PRDM5: variants seen among roughly 807,000 people sequenced by gnomAD.
PRDM5 encodes the protein PR/SET domain 5, also known as PR domain zinc finger protein 5.
PRDM5 carries 56 observed loss-of-function variants against 81.2 expected under a neutral mutation model. The ratio of observed to expected loss-of-function variants is 0.69; its 90% CI spans 0.56 to 0.86. PRDM5 has a LOEUF of 0.86. Ranked by LOEUF, PRDM5 falls within the 40% of genes least tolerant of loss-of-function variation. The pLI is 0.00. For synonymous variants in PRDM5, 267 were observed against 256.4 expected, an observed-to-expected ratio of 1.04 and a Z score of -0.39; for missense variants, 697 against 770.1, an observed-to-expected ratio of 0.91 and a Z score of 1.12.
intron 13 of PRDM5, among the ~76,000 whole-genome samples, chr4:120,764,337 T>C (rs1374373079): frequency 6.6e-6 from 1 of 152,200 alleles, no homozygotes; most frequent in African/African-American, 2.4e-5. Flanking sequence ...TTATTGTTCA[T>C]AGCATTATAT....
At chr4:120,687,099 A>G (rs36052384), downstream of PRDM5, among the ~76,000 whole-genome samples, 26,168 of 151,980 alleles carry the variant, frequency 0.17, 2,586 homozygotes, top group Non-Finnish European at 0.24. Flanking sequence ...TTTTAATTTA[A>G]ACGTACTTAT....
At chr4:120,705,801 G>A (rs577625121) in intron 15 of PRDM5, among the ~76,000 whole-genome samples, 1 of 152,326 alleles carries the variant, frequency 6.6e-6, no homozygotes, top group African/African-American at 2.4e-5. Flanking sequence ...GACAGAAGGA[G>A]AGAGAGCAGT....
chr4:120,851,675 A>G (rs1287938923), intron 3 of PRDM5, among the ~76,000 whole-genome samples: 1 of 152,146 alleles, frequency 6.6e-6, no homozygotes, highest in Non-Finnish European at 1.5e-5. Context: ...ACTGAAAAAA[A>G]TTGTTTAGAT....
chr4:120,781,956 A>G (rs901052267), intron 11 of PRDM5, among the ~76,000 whole-genome samples: 3 of 152,192 alleles, frequency 2.0e-5, no homozygotes, highest in African/African-American at 7.2e-5. Context: ...TAGCAAGACT[A>G]TTAGCCACCC....
intron 3 of PRDM5, among the ~76,000 whole-genome samples, chr4:120,825,426 T>G (rs1755832044): frequency 6.6e-6 from 1 of 152,180 alleles, no homozygotes. Context: ...TTGGTCAAAA[T>G]GCTCTCAGCC....
intron 7 of PRDM5, among the ~76,000 whole-genome samples, chr4:120,811,716 A>C (rs1753861782): frequency 2.0e-5 from 3 of 152,088 alleles, no homozygotes; most frequent in Non-Finnish European, 4.4e-5. Context: ...GAGAATGCAG[A>C]AGCTTATATA....
intron 12 of PRDM5, among the ~76,000 whole-genome samples, chr4:120,777,559 A>C (rs1748361553): frequency 6.6e-6 from 1 of 152,156 alleles, no homozygotes; most frequent in African/African-American, 2.4e-5. Context: ...TAAATTATAC[A>C]AACCAGTATA....
chr4:120,901,766 G>A (rs1178009516), intron 2 of PRDM5, among the ~76,000 whole-genome samples: 1 of 152,200 alleles, frequency 6.6e-6, no homozygotes, highest in Non-Finnish European at 1.5e-5. Flanking sequence ...ATTTTAGTTT[G>A]TATCTGGTTC....
chr4:120,794,514 AACACACACACACACACAC>A (rs70948364), intron 10 of PRDM5, among the ~76,000 whole-genome samples: 27 of 143,690 alleles, frequency 1.9e-4, no homozygotes, highest in East Asian at 1.0e-3. Context: ...TCCAAAATCT[AACACACACACACACACAC>A]ACACACACAC....
chr4:120,710,142 T>C (rs972928753), intron 15 of PRDM5, among the ~76,000 whole-genome samples, 167 bp downstream of exon 15: 2 of 152,040 alleles, frequency 1.3e-5, no homozygotes, highest in African/African-American at 4.8e-5. Context: ...GTTACATGTA[T>C]TATGCAAGAA....
At chr4:120,794,682 A>C (rs1042911431) in intron 10 of PRDM5, among the ~76,000 whole-genome samples, 8 of 150,696 alleles carry the variant, frequency 5.3e-5, no homozygotes, top group African/African-American at 2.0e-4. Context: ...GGAGTGCAGT[A>C]GCACAATCTT....
At chr4:120,917,410 T>A (rs946943553) in intron 1 of PRDM5, among the ~76,000 whole-genome samples, 1 of 152,104 alleles carries the variant, frequency 6.6e-6, no homozygotes, top group African/African-American at 2.4e-5. Context: ...AAGTCAACCA[T>A]ACCTAGCTCT....
At chr4:120,761,089 G>A (rs904471940) in intron 13 of PRDM5, among the ~76,000 whole-genome samples, 2 of 152,126 alleles carry the variant, frequency 1.3e-5, no homozygotes, top group East Asian at 3.8e-4. Flanking sequence ...CTGAATTGGA[G>A]GTACTTTAAC....
chr4:120,736,508 T>G (rs1309611781), intron 14 of PRDM5, among the ~76,000 whole-genome samples: 2 of 152,088 alleles, frequency 1.3e-5, no homozygotes, highest in Admixed American at 6.6e-5. Flanking sequence ...TCACTGACCT[T>G]CAAAAGCTCC....
chr4:120,722,972 T>C (rs1244459176), intron 14 of PRDM5, among the ~76,000 whole-genome samples: 1 of 152,238 alleles, frequency 6.6e-6, no homozygotes, highest in Non-Finnish European at 1.5e-5. Context: ...TCTGAAATTC[T>C]TGTCATGTGA....
In PRDM5 at chr4:120,716,339, G is replaced by A. The variant is rs147018358; in HGVS notation, c.1624-5926C>T. Among the ~76,000 whole-genome samples the A allele has an allele frequency of 3.9e-5, 6 of 152,244 alleles. No individual in the cohort carries two copies. The East Asian group carries it at 1.2e-3, about 29-fold the overall frequency. On this transcript the variant is annotated intron_variant, in intron 14 of 15. Transcript: ENST00000264808. Reference sequence around the variant, plus strand: ...GGATAAAATGTGTAGTGTTAGAAAGGTTCTTCCAATTAAAGAAGTTTGAAG... The same window carrying A: ...GGATAAAATGTGTAGTGTTAGAAAGATTCTTCCAATTAAAGAAGTTTGAAG...
intron 14 of PRDM5, among the ~76,000 whole-genome samples, chr4:120,749,359 A>G (rs888719235): frequency 2.6e-5 from 4 of 152,174 alleles, no homozygotes; most frequent in African/African-American, 9.7e-5. Flanking sequence ...GGCACATGGA[A>G]AGTCCACAGC....
At chr4:120,744,756 C>T (rs971408618) in intron 14 of PRDM5, among the ~76,000 whole-genome samples, 1 of 150,860 alleles carries the variant, frequency 6.6e-6, no homozygotes, top group Non-Finnish European at 1.5e-5. Context: ...CTGAATAGAC[C>T]AATAACAGGA....
At chr4:120,896,550 T>C (rs568681363) in intron 2 of PRDM5, 2 of 152,200 alleles carry the variant, frequency 1.3e-5, no homozygotes, top group African/African-American at 2.4e-5. Flanking sequence ...CTCTTTTAAA[T>C]AGTTTGAAGT....
Sources: gnomAD v4.1 joint callset for allele counts (sites outside exome capture counted in the v4.1 genomes callset) on GRCh38, gnomAD v4.1.1 for gene constraint, MANE v1.5 for transcripts, NCBI Gene and HGNC (gene_info 2026-07-23, HGNC 2026-07-21) for gene names.